STK40: variants seen among roughly 807,000 people sequenced by gnomAD.
STK40 encodes serine/threonine-protein kinase 40.
STK40 carries 13 observed loss-of-function variants against 47.9 expected under a neutral mutation model. The observed-to-expected ratio is 0.27, with a 90% CI of 0.18 to 0.43. STK40 has a LOEUF of 0.43. Among genes scored for constraint, STK40 ranks in the 20% least tolerant of loss-of-function variants. STK40 has a pLI of 1.00. For synonymous variants in STK40, 225 were observed against 243.2 expected, an observed-to-expected ratio of 0.93 and a Z score of 0.69; for missense variants, 460 against 595.1, an observed-to-expected ratio of 0.77 and a Z score of 2.36.
At chr1:36,384,154 C>T (rs553372307) in intron 1 of STK40, among the ~76,000 whole-genome samples, 1 of 152,072 alleles carries the variant, frequency 6.6e-6, no homozygotes, top group Non-Finnish European at 1.5e-5. Context: ...CTCAGCCTCC[C>T]GAGTAGCTGG....
At chr1:36,364,400 C>T (rs528276020) in intron 1 of STK40, among the ~76,000 whole-genome samples, 1 of 152,302 alleles carries the variant, frequency 6.6e-6, no homozygotes, top group South Asian at 2.1e-4. Flanking sequence ...GAGTTATTTC[C>T]TTACTCTTAT....
At chr1:36,378,537 C>A (rs969714431) in intron 1 of STK40, among the ~76,000 whole-genome samples, 1 of 152,066 alleles carries the variant, frequency 6.6e-6, no homozygotes, top group African/African-American at 2.4e-5. Context: ...TGGCTCACTG[C>A]AACCTCCGCC....
intron 6 of STK40, among the ~76,000 whole-genome samples, chr1:36,353,371 G>GT (rs1423743093): frequency 6.6e-6 from 1 of 152,180 alleles, no homozygotes; most frequent in Non-Finnish European, 1.5e-5. Flanking sequence ...CTCTAACATG[G>GT]TGAGACAGTG....
rs1163946147 is a variant in STK40, at chr1:36,341,660, G to A, written c.*95C>T. The A allele has an allele frequency of 5.4e-6, 8 of 1,470,346 alleles. No individual in the cohort carries two copies. The highest frequency in any genetic ancestry group is 6.5e-6 in the Non-Finnish European group (7 of 1,073,988). The allele number at this position is 1,470,346 out of a possible 1,614,324, so 91.1% of individuals were successfully genotyped here. A position where few individuals can be genotyped will look rare whatever the true frequency, so the allele number is the denominator to read the frequency against. ...CTGCCCTGTCCCTATTGTGGCCCGG[G>A]AGAGTCCAGCACTACAGGGCCCAGC... On this transcript the variant is annotated 3_prime_UTR_variant, in exon 11 of 11. Transcript: ENST00000373132.
In STK40 at chr1:36,344,129, G is replaced by A; in HGVS notation, c.875C>T (p.Thr292Ile). Residue 292 changes from threonine to isoleucine, a missense_variant, in exon 8 of 11, where the codon ACC (threonine) becomes ATC (isoleucine). Thr to Ile is a moderately conservative substitution (Grantham distance 89). Around this residue, in one of 3 missense-constraint regions of STK40, gnomAD observed 181 missense variants for 218.9 expected, o/e 0.83. Coordinates refer to ENST00000373132, the MANE Select transcript of STK40 (RefSeq NM_001282547.2). ...LFRKIKAAEY[T>I]IPEDGRVSEN... ...GGGAGGCAGGACTCACTCAGGAATG[G>A]TATACTCGGCAGCCTTGATCTTGCG... The A allele has an allele frequency of 1.2e-6, 2 of 1,608,520 alleles. No individual in the cohort carries two copies. Among genetic ancestry groups the A allele is most frequent in the Non-Finnish European group, 1.7e-6 (2 of 1,177,364 alleles).
intron 4 of STK40, among the ~76,000 whole-genome samples, chr1:36,356,695 G>A (rs1226584428): frequency 1.3e-5 from 2 of 151,992 alleles, no homozygotes; most frequent in Non-Finnish European, 2.9e-5. Context: ...AAAGTGCTGG[G>A]TTTACAGGCA....
intron 2 of STK40, among the ~76,000 whole-genome samples, chr1:36,360,623 A>T (rs982878963): frequency 6.6e-5 from 10 of 151,576 alleles, no homozygotes; most frequent in Admixed American, 3.3e-4. Context: ...GTAACCTCAA[A>T]CTCCTGGGCT....
chr1:36,379,305 G>A (rs1251080349), intron 1 of STK40, among the ~76,000 whole-genome samples: 1 of 152,048 alleles, frequency 6.6e-6, no homozygotes, highest in African/African-American at 2.4e-5. Flanking sequence ...AAACCGTCAG[G>A]CCTGTAGACT....
chr1:36,385,190 G>A (rs1357657592), intron 1 of STK40, among the ~76,000 whole-genome samples: 2 of 152,180 alleles, frequency 1.3e-5, no homozygotes, highest in African/African-American at 2.4e-5. Context: ...GGAAAAGGCC[G>A]GCCAAACGTG....
At chr1:36,349,580 T>G (rs778479775) in intron 6 of STK40, among the ~76,000 whole-genome samples, 26 of 152,220 alleles carry the variant, frequency 1.7e-4, no homozygotes, top group Non-Finnish European at 2.9e-4. Flanking sequence ...CTTTTCCTTC[T>G]GTTCCATCAA....
chr1:36,372,816 C>T (rs1186638521), intron 1 of STK40: 1 of 152,204 alleles, frequency 6.6e-6, no homozygotes, highest in Non-Finnish European at 1.5e-5. Context: ...ACTGAGATAT[C>T]CCTCCACCAG....
At chr1:36,368,481 G>A (rs1422479041) in intron 1 of STK40, among the ~76,000 whole-genome samples, 1 of 152,052 alleles carries the variant, frequency 6.6e-6, no homozygotes, top group South Asian at 2.1e-4. Context: ...CGAACTCCTG[G>A]GCTAAAGTGA....
At chr1:36,358,930 C>A in intron 2 of STK40, 108 bp from the exon 3 acceptor site, 1 of 1,218,396 alleles carries the variant, frequency 8.2e-7, no homozygotes, top group Non-Finnish European at 1.2e-6. Context: ...GGCACCATAG[C>A]TCATGTGTAC....
At chr1:36,342,047 G>A (rs1646654217) in intron 10 of STK40, 74 bp from the exon 11 acceptor site, 2 of 1,398,232 alleles carry the variant, frequency 1.4e-6, no homozygotes, top group Admixed American at 2.0e-5. Context: ...AGGAGGGCAG[G>A]CAAGAGTGCT....
chr1:36,359,122 C>T (rs1158599181), intron 2 of STK40, among the ~76,000 whole-genome samples: 3 of 152,236 alleles, frequency 2.0e-5, no homozygotes, highest in Middle Eastern at 3.4e-3. Context: ...AACAAGAGAT[C>T]CAGGCTGGGT....
rs747840660 is a variant in STK40 at position 36,341,788 on chromosome 1, C to G, written c.1275G>C (p.Thr425=). 1.2e-6 allele frequency: 2 copies of G among 1,612,434 alleles called. No homozygotes were observed. Among genetic ancestry groups the G allele is most frequent in the Non-Finnish European group, 8.5e-7 (1 of 1,179,740 alleles). The change falls in exon 11 of 11, where the codon ACG becomes ACC. Residue 425 remains threonine (T), a synonymous_variant. Transcript: ENST00000373132. The stretch of plus-strand genomic sequence containing the variant: ...GCAGGTAGCGCTGCGCCAGGATGGC[C>G]GTGTCCAAGGAGGTCATGGGCTGTG... ...HDAQPMTSLD[T]AILAQRYLRK
chr1:36,378,666 C>G (rs1647012483), intron 1 of STK40, among the ~76,000 whole-genome samples: 1 of 152,106 alleles, frequency 6.6e-6, no homozygotes, highest in Non-Finnish European at 1.5e-5. Context: ...ACCATGTTGG[C>G]CAGGATGGTC....
At chr1:36,361,988 T>A (rs1438992692) in intron 1 of STK40, among the ~76,000 whole-genome samples, 1 of 152,206 alleles carries the variant, frequency 6.6e-6, no homozygotes, top group Non-Finnish European at 1.5e-5. Context: ...CAGGGTTTAC[T>A]TTCTCTTCCC....
intron 1 of STK40, among the ~76,000 whole-genome samples, chr1:36,365,259 G>A (rs1271091280): frequency 6.6e-6 from 1 of 152,182 alleles, no homozygotes; most frequent in Non-Finnish European, 1.5e-5. Flanking sequence ...CAAAGTGTTG[G>A]GATTACAGGC....
Sources: allele counts gnomAD v4.1 joint callset (sites outside exome capture counted in the v4.1 genomes callset), GRCh38; gene constraint gnomAD v4.1.1; regional missense constraint gnomAD v4.1.1; transcripts MANE v1.5; gene names NCBI Gene and HGNC (gene_info 2026-07-23, HGNC 2026-07-21).